Variants in MAGI1 observed in about 807,000 individuals in gnomAD.
MAGI1 encodes membrane-associated guanylate kinase, WW and PDZ domain-containing protein 1.
Under a neutral mutation model 139.9 loss-of-function variants are expected in MAGI1, and 58 were observed. The observed-to-expected ratio is 0.41, with a 90% confidence interval of 0.34 to 0.52. The LOEUF is 0.52. Among genes scored for constraint, MAGI1 ranks in the 20% least tolerant of loss-of-function variants. The probability of loss-of-function intolerance (pLI) is 0.12; values close to 1 mark genes in which losing one functional copy is unlikely to be tolerated. For synonymous variants in MAGI1, 812 were observed against 737.9 expected (o/e 1.10, Z -1.63); for missense variants, 1,874 against 1,901.6 (o/e 0.99, Z 0.27).
intron 4 of MAGI1, among the ~76,000 whole-genome samples, chr3:65,477,692 CATT>C (rs145971501): frequency 1.4e-5 from 2 of 138,612 alleles, no homozygotes; most frequent in African/African-American, 2.6e-5. Context: ...GAACACGCAA[CATT>C]ATTATTATTA....
intron 3 of MAGI1, among the ~76,000 whole-genome samples, chr3:65,488,968 C>T (rs1205813091): frequency 6.6e-6 from 1 of 152,146 alleles, no homozygotes; most frequent in Non-Finnish European, 1.5e-5. Context: ...CCACCACGCC[C>T]AGCAAAATTG....
intron 1 of MAGI1, among the ~76,000 whole-genome samples, chr3:65,748,566 G>A (rs182435825): frequency 2.6e-5 from 4 of 152,330 alleles, no homozygotes; most frequent in African/African-American, 9.6e-5. Context: ...GTGAGGGGCA[G>A]GCTAGGTTCA....
chr3:65,372,903 T>G (rs9853762), intron 18 of MAGI1, among the ~76,000 whole-genome samples: 11,847 of 152,234 alleles, frequency 0.078, 1,016 homozygotes, highest in African/African-American at 0.21. Flanking sequence ...TGGATTGGAC[T>G]CTGGCATAAG....
At chr3:65,596,726 T>TC (rs932761794) in intron 2 of MAGI1, among the ~76,000 whole-genome samples, 2 of 151,956 alleles carry the variant, frequency 1.3e-5, no homozygotes, top group Non-Finnish European at 2.9e-5. Flanking sequence ...TCTTCAAAAA[T>TC]CCCCCAGCCT....
chr3:65,609,624 GC>G, intron 2 of MAGI1: 1 of 153,108 alleles, frequency 6.5e-6, no homozygotes, highest in Non-Finnish European at 1.4e-5. Context: ...TGGCTCTGTT[GC>G]CCACCCTGAA....
At chr3:65,667,782 T>C (rs2086619068) in intron 1 of MAGI1, among the ~76,000 whole-genome samples, 1 of 152,114 alleles carries the variant, frequency 6.6e-6, no homozygotes, top group Non-Finnish European at 1.5e-5. Flanking sequence ...CAGGCTGGTC[T>C]CGAACTCCTG....
chr3:65,401,972 C>T (rs1195134015), intron 12 of MAGI1: 13 of 849,394 alleles, frequency 1.5e-5, no homozygotes, highest in Non-Finnish European at 1.8e-5. Flanking sequence ...CTCTGCCTTT[C>T]GGAAGAGGAA....
intron 1 of MAGI1, among the ~76,000 whole-genome samples, chr3:66,033,787 A>C (rs2068768007): frequency 6.6e-6 from 1 of 152,148 alleles, no homozygotes. Flanking sequence ...AATTTGAAAA[A>C]CCACAAAATT....
chr3:65,926,366 TCTCC>T (rs917292684), intron 1 of MAGI1, among the ~76,000 whole-genome samples: 15 of 150,104 alleles, frequency 1.0e-4, no homozygotes, highest in African/African-American at 3.2e-4. Context: ...TCTCTCTCTC[TCTCC>T]CTCTTTCCCT....
At chr3:65,775,762 C>A (rs2038366405) in intron 1 of MAGI1, among the ~76,000 whole-genome samples, 1 of 151,766 alleles carries the variant, frequency 6.6e-6, no homozygotes, top group African/African-American at 2.4e-5. Flanking sequence ...GGAAACATGG[C>A]AAAACCATGT....
intron 1 of MAGI1, among the ~76,000 whole-genome samples, chr3:65,730,156 G>A (rs1276728709): frequency 6.6e-6 from 1 of 152,138 alleles, no homozygotes; most frequent in Non-Finnish European, 1.5e-5. Context: ...TGCCTTTTAG[G>A]TGGTTTATCA....
At chr3:65,988,435 A>T (rs2065996156) in intron 1 of MAGI1, among the ~76,000 whole-genome samples, 1 of 152,234 alleles carries the variant, frequency 6.6e-6, no homozygotes, top group African/African-American at 2.4e-5. Context: ...ACATCACTCC[A>T]GATGAGCCAT....
chr3:65,639,795 G>A (rs1417186247), intron 1 of MAGI1, among the ~76,000 whole-genome samples: 1 of 152,008 alleles, frequency 6.6e-6, no homozygotes, highest in Non-Finnish European at 1.5e-5. Context: ...CTGAGGTCTG[G>A]AGTTCAAGAC....
chr3:65,475,540 A>G (rs970256815), intron 4 of MAGI1, among the ~76,000 whole-genome samples: 4 of 152,172 alleles, frequency 2.6e-5, no homozygotes, highest in African/African-American at 4.8e-5. Flanking sequence ...AATAAACACA[A>G]TATTTTTGCA....
chr3:65,589,267 A>T (rs944958739), intron 2 of MAGI1, among the ~76,000 whole-genome samples: 2 of 152,178 alleles, frequency 1.3e-5, no homozygotes, highest in African/African-American at 4.8e-5. Context: ...ATGAAAACAG[A>T]TTCAAACTTA....
At chr3:65,784,475 T>C (rs1259272971) in intron 1 of MAGI1, among the ~76,000 whole-genome samples, 4 of 152,176 alleles carry the variant, frequency 2.6e-5, no homozygotes, top group Non-Finnish European at 5.9e-5. Flanking sequence ...CCCAGCACTT[T>C]GGGAGGCCGA....
chr3:66,019,899 T>C (rs1043412049), intron 1 of MAGI1, among the ~76,000 whole-genome samples: 8 of 149,306 alleles, frequency 5.4e-5, no homozygotes, highest in African/African-American at 1.9e-4. Context: ...TTCTCTCTTC[T>C]CAACAGCACC....
chr3:65,566,985 T>C (rs1034601956), intron 2 of MAGI1, among the ~76,000 whole-genome samples: 5 of 152,022 alleles, frequency 3.3e-5, no homozygotes, highest in Non-Finnish European at 7.4e-5. Flanking sequence ...AAGTCTACAT[T>C]TGAGGCCATT....
intron 1 of MAGI1, among the ~76,000 whole-genome samples, chr3:65,623,031 C>G (rs1483396879): frequency 6.6e-6 from 1 of 152,174 alleles, no homozygotes; most frequent in African/African-American, 2.4e-5. Context: ...TGCATAATGT[C>G]TGATTCCTTT....
Sources: allele counts gnomAD v4.1 joint callset (sites outside exome capture counted in the v4.1 genomes callset), GRCh38; gene constraint gnomAD v4.1.1; transcripts MANE v1.5; gene names NCBI Gene and HGNC (gene_info 2026-07-23, HGNC 2026-07-21).